Variants in FBN2 observed in about 807,000 individuals in gnomAD.
FBN2 encodes the protein fibrillin-2.
A neutral mutation model predicts 355.6 loss-of-function variants in FBN2; 105 were observed. The ratio of observed to expected loss-of-function variants is 0.30; its 90% confidence interval spans 0.25 to 0.35. The LOEUF is 0.35. Among genes scored for constraint, FBN2 ranks in the 10% least tolerant of loss-of-function variants. FBN2 has a pLI of 1.00. For missense variants in FBN2, 3,280 were observed against 3,758.7 expected (o/e 0.87, Z 3.33); for synonymous variants, 1,350 against 1,301.2 (o/e 1.04, Z -0.81).
At chr5:128,514,175 T>C (rs1411331686) in intron 5 of FBN2, among the ~76,000 whole-genome samples, 1 of 152,178 alleles carries the variant, frequency 6.6e-6, no homozygotes, top group Non-Finnish European at 1.5e-5. Flanking sequence ...AAAATAAATA[T>C]CAGCTTAGTA....
chr5:128,332,769 CT>C, intron 32 of FBN2, 142 bp downstream of exon 32: 1 of 847,282 alleles, frequency 1.2e-6, no homozygotes, highest in Non-Finnish European at 2.0e-6. Flanking sequence ...AAAGGACACC[CT>C]TAGGCAGGAA....
chr5:128,334,661 A>G lies in FBN2; in HGVS notation c.4099+58T>C, dbSNP rs1750788168. ...GATGCCAGAGAACAAATGATGTTGA[A>G]AGTTGGCCTTTGACATCTGAGAAGT... On this transcript the variant is annotated intron_variant, in intron 31 of 64. Coordinates refer to ENST00000262464, the MANE Select transcript of FBN2 (RefSeq NM_001999.4). 3 of 1,592,934 alleles carry G rather than the reference A, an allele frequency of 1.9e-6. No individual in the cohort carries two copies. The East Asian group carries it at 6.7e-5, about 36-fold the overall frequency.
intron 63 of FBN2, 127 bp downstream of exon 63, chr5:128,263,298 A>C: frequency 1.3e-6 from 1 of 756,216 alleles, no homozygotes; most frequent in Non-Finnish European, 2.4e-6. Flanking sequence ...GCATACCCGA[A>C]GAGTTCTAAT....
intron 8 of FBN2, among the ~76,000 whole-genome samples, chr5:128,397,464 T>A (rs575747086): frequency 6.6e-6 from 1 of 152,300 alleles, no homozygotes; most frequent in Non-Finnish European, 1.5e-5. Context: ...AACAAAACCA[T>A]AGCCTTGAGT....
At chr5:128,318,515 T>C (rs887321629) in intron 35 of FBN2, among the ~76,000 whole-genome samples, 7 of 151,958 alleles carry the variant, frequency 4.6e-5, no homozygotes, top group Admixed American at 4.6e-4. Flanking sequence ...TAATTAAAAT[T>C]TGCAACTCTG....
intron 5 of FBN2, among the ~76,000 whole-genome samples, chr5:128,466,801 G>A (rs1019729807): frequency 2.0e-5 from 3 of 152,134 alleles, no homozygotes; most frequent in Admixed American, 6.5e-5. Flanking sequence ...TGGAGTATAC[G>A]TGAAGATATG....
intron 5 of FBN2, among the ~76,000 whole-genome samples, chr5:128,505,514 T>C (rs1189222271): frequency 1.3e-5 from 2 of 152,178 alleles, no homozygotes; most frequent in Non-Finnish European, 2.9e-5. Context: ...ATTTAAAGTG[T>C]ACATGTATGG....
chr5:128,485,419 T>C (rs62391614), intron 5 of FBN2, among the ~76,000 whole-genome samples: 25,135 of 152,166 alleles, frequency 0.17, 2,370 homozygotes, highest in Non-Finnish European at 0.23. Context: ...AGAATGAATA[T>C]GCAAATTGCT....
chr5:128,359,230 G>A (rs552031916), intron 19 of FBN2, among the ~76,000 whole-genome samples: 1 of 152,056 alleles, frequency 6.6e-6, no homozygotes, highest in East Asian at 1.9e-4. Flanking sequence ...CTGAAAACAT[G>A]ATTGACAAAC....
chr5:128,449,015 C>T (rs1754150544), intron 6 of FBN2, among the ~76,000 whole-genome samples: 1 of 151,770 alleles, frequency 6.6e-6, no homozygotes, highest in South Asian at 2.1e-4. Flanking sequence ...GGAAGCTCTT[C>T]AGGTAAAATA....
At chr5:128,318,571 T>A (rs1016345673) in intron 35 of FBN2, among the ~76,000 whole-genome samples, 4 of 151,604 alleles carry the variant, frequency 2.6e-5, no homozygotes, top group African/African-American at 9.7e-5. Flanking sequence ...AAATCACATA[T>A]ATACATGTAT....
chr5:128,278,832 T>C lies in FBN2; in HGVS notation c.7148A>G (p.Gln2383Arg), dbSNP rs751362849. The C allele has an allele frequency of 5.6e-6, 9 of 1,613,456 alleles. No homozygotes were observed. The East Asian group carries it at 6.7e-5, about 12-fold the overall frequency. Residue 2383 changes from glutamine (Q) to arginine (R), a missense_variant, in exon 57 of 65, where the codon CAG becomes CGG. Gln to Arg is a conservative substitution (Grantham distance 43). Around this residue, in one of 6 missense-constraint regions of FBN2, gnomAD observed 2,284 missense variants for 2,749.5 expected, o/e 0.83. Coordinates refer to ENST00000262464, the MANE Select transcript of FBN2 (RefSeq NM_001999.4). ...SSGTECLDNR[Q>R]GLCFAEVLQT... ...CAGTACCTCTGCAAAGCAGAGACCC[T>C]GTCGATTGTCTGAAATGGCAAAGTA...
intron 4 of FBN2, among the ~76,000 whole-genome samples, chr5:128,526,717 C>T (rs1437072231): frequency 1.3e-5 from 2 of 151,944 alleles, no homozygotes; most frequent in South Asian, 2.1e-4. Flanking sequence ...GATGGTTGCC[C>T]GGGGCAGGGG....
Position 128,537,717 on chromosome 5 carries a change from G to T in FBN2, c.-114C>A. ...TAATAAGCCCTTCGTCGGCTCCGGG[G>T]ACTCCCTCGGGCTCGGGCTCCCTGC... is the stretch of plus-strand genomic sequence containing the variant. On this transcript the variant is annotated 5_prime_UTR_variant, in exon 1 of 65. Coordinates refer to ENST00000262464, the MANE Select transcript of FBN2 (RefSeq NM_001999.4). The T allele has an allele frequency of 1.9e-6, 2 of 1,059,032 alleles. No homozygotes were observed. Among genetic ancestry groups the T allele is most frequent in the Non-Finnish European group, 2.8e-6 (2 of 714,850 alleles). The allele number at this position is 1,059,032 out of a possible 1,614,324, so 65.6% of individuals were successfully genotyped here. A position where few individuals can be genotyped will look rare whatever the true frequency, so the allele number is the denominator to read the frequency against.
chr5:128,521,852 A>G (rs923222929), intron 4 of FBN2, among the ~76,000 whole-genome samples: 5 of 152,328 alleles, frequency 3.3e-5, no homozygotes, highest in African/African-American at 1.2e-4. Context: ...AGTTTCTCCT[A>G]GAAAGAGCTG....
At chr5:128,418,659 T>C (rs2127012689) in intron 7 of FBN2, among the ~76,000 whole-genome samples, 1 of 152,294 alleles carries the variant, frequency 6.6e-6, no homozygotes, top group East Asian at 1.9e-4. Flanking sequence ...TTTCCATTTA[T>C]TTGTACATTT....
intron 6 of FBN2, among the ~76,000 whole-genome samples, chr5:128,451,376 A>G (rs1226840837): frequency 6.6e-6 from 1 of 152,148 alleles, no homozygotes; most frequent in Non-Finnish European, 1.5e-5. Flanking sequence ...GCACATTTTA[A>G]ACCTCATTAT....
At chr5:128,325,093 G>T (rs1449212175) in intron 34 of FBN2, among the ~76,000 whole-genome samples, 1 of 152,126 alleles carries the variant, frequency 6.6e-6, no homozygotes, top group Non-Finnish European at 1.5e-5. Flanking sequence ...TTGTTGATTT[G>T]GGGTGGAGAG....
chr5:128,394,915 A>G (rs1463579734), intron 9 of FBN2, among the ~76,000 whole-genome samples: 5 of 152,148 alleles, frequency 3.3e-5, no homozygotes, highest in African/African-American at 1.2e-4. Context: ...TCCCACAAGT[A>G]TCTGGGATTA....
Sources: allele counts gnomAD v4.1 joint callset (sites outside exome capture counted in the v4.1 genomes callset), GRCh38; gene constraint gnomAD v4.1.1; regional missense constraint gnomAD v4.1.1; transcripts MANE v1.5; gene names NCBI Gene and HGNC (gene_info 2026-07-23, HGNC 2026-07-21).